Variants in CFAP299 observed in about 807,000 individuals in gnomAD.
CFAP299 encodes the protein cilia- and flagella-associated protein 299.
CFAP299 carries 21 observed loss-of-function variants against 27.0 expected under a neutral mutation model. That is an observed-to-expected ratio of 0.78 (90% CI 0.55 to 1.12). The LOEUF (loss-of-function observed/expected upper bound fraction) is 1.12. Ranked by LOEUF, CFAP299 falls within the 50% of genes most tolerant of loss-of-function variation. The pLI is 0.00. For missense variants in CFAP299, 310 were observed against 276.6 expected (o/e 1.12, Z -0.86); for synonymous variants, 104 against 98.1 (o/e 1.06, Z -0.36).
intron 3 of CFAP299, among the ~76,000 whole-genome samples, chr4:80,864,283 T>C (rs1732556211): frequency 6.6e-6 from 1 of 151,502 alleles, no homozygotes; most frequent in Non-Finnish European, 1.5e-5. Flanking sequence ...TTTCAGTTAC[T>C]GAAATACATC....
At chr4:80,799,386 A>G (rs1420689361) in intron 3 of CFAP299, among the ~76,000 whole-genome samples, 1 of 94,766 alleles carries the variant, frequency 1.1e-5, no homozygotes, top group African/African-American at 4.4e-5. Context: ...AAATGTATTT[A>G]TATAATATTT....
chr4:80,839,537 C>G (rs535365875), intron 3 of CFAP299, among the ~76,000 whole-genome samples: 3 of 152,218 alleles, frequency 2.0e-5, no homozygotes, highest in Admixed American at 6.6e-5. Flanking sequence ...GCCATGTCAT[C>G]TCTGGCCATA....
chr4:80,879,387 G>A (rs894937565), intron 4 of CFAP299, among the ~76,000 whole-genome samples: 4 of 152,070 alleles, frequency 2.6e-5, no homozygotes, highest in South Asian at 4.2e-4. Flanking sequence ...AACAAAAATG[G>A]GACTAGATCT....
intron 2 of CFAP299, among the ~76,000 whole-genome samples, chr4:80,445,704 G>A (rs1377939228): frequency 6.6e-6 from 1 of 151,912 alleles, no homozygotes; most frequent in Non-Finnish European, 1.5e-5. Context: ...TCATCATTAA[G>A]CATAGTTTGC....
chr4:80,345,114 A>G (rs1281097385), intron 1 of CFAP299, among the ~76,000 whole-genome samples: 1 of 152,164 alleles, frequency 6.6e-6, no homozygotes, highest in African/African-American at 2.4e-5. Flanking sequence ...ACTCCTATTC[A>G]ACATAGTATT....
At chr4:80,796,507 G>A (rs1416127522) in intron 3 of CFAP299, among the ~76,000 whole-genome samples, 2 of 152,184 alleles carry the variant, frequency 1.3e-5, no homozygotes, top group African/African-American at 4.8e-5. Context: ...AGGTAGGATG[G>A]TAAATGTATA....
intron 3 of CFAP299, among the ~76,000 whole-genome samples, chr4:80,863,470 T>C (rs1347264154): frequency 1.3e-5 from 2 of 152,182 alleles, no homozygotes; most frequent in South Asian, 2.1e-4. Context: ...AACTAAGTAT[T>C]GCATAAGTCT....
intron 2 of CFAP299, among the ~76,000 whole-genome samples, chr4:80,570,262 A>G (rs1241992209): frequency 6.6e-6 from 1 of 152,062 alleles, no homozygotes; most frequent in Non-Finnish European, 1.5e-5. Flanking sequence ...AAAGTCTATA[A>G]CAATGAATAA....
rs190278296 is a variant in CFAP299 at position 80,865,122 on chromosome 4, A to G, written c.334-4871A>G. On this transcript the variant is annotated intron_variant, in intron 3 of 5. Transcript: ENST00000358105. ...AACTCTCAATGCTTTCATCTCCCAC[A>G]TTTATAAAATGAGGGTAATAATGCT... is the stretch of plus-strand genomic sequence containing the variant. Among the ~76,000 whole-genome samples, 513 of 152,288 alleles carry G rather than the reference A, an allele frequency of 3.4e-3. 15 individuals carry two copies. Among genetic ancestry groups the G allele is most frequent in the Non-Finnish European group, 4.3e-4 (29 of 68,012 alleles).
intron 3 of CFAP299, among the ~76,000 whole-genome samples, chr4:80,854,421 A>C (rs902556191): frequency 6.6e-6 from 1 of 152,064 alleles, no homozygotes; most frequent in African/African-American, 2.4e-5. Context: ...CAGAATGTTT[A>C]AATGTTAATA....
chr4:80,895,883 T>A (rs13435389), intron 4 of CFAP299, among the ~76,000 whole-genome samples: 1 of 152,008 alleles, frequency 6.6e-6, no homozygotes, highest in East Asian at 1.9e-4. Flanking sequence ...CAAAACTCAC[T>A]CGGATGAATG....
chr4:80,762,561 C>T (rs76248689), intron 3 of CFAP299, among the ~76,000 whole-genome samples: 1 of 152,196 alleles, frequency 6.6e-6, no homozygotes, highest in Non-Finnish European at 1.5e-5. Context: ...CTTTAATTCT[C>T]ATCTGGGAAC....
At chr4:80,391,484 T>A (rs1472878774) in intron 2 of CFAP299, among the ~76,000 whole-genome samples, 2 of 152,200 alleles carry the variant, frequency 1.3e-5, no homozygotes, top group Non-Finnish European at 2.9e-5. Flanking sequence ...TTGAGCACTT[T>A]TTCATAACAG....
chr4:80,596,710 A>G (rs986933202), intron 3 of CFAP299, among the ~76,000 whole-genome samples: 3 of 152,198 alleles, frequency 2.0e-5, no homozygotes, highest in African/African-American at 7.2e-5. Flanking sequence ...GAAAAAGAAC[A>G]TTACTGATAC....
chr4:80,644,988 A>G (rs184035264), intron 3 of CFAP299, among the ~76,000 whole-genome samples: 5 of 152,226 alleles, frequency 3.3e-5, no homozygotes, highest in African/African-American at 9.6e-5. Flanking sequence ...CCTAGCTTCT[A>G]TGATGCACCA....
chr4:80,891,027 G>A (rs1287148769), intron 4 of CFAP299, among the ~76,000 whole-genome samples: 7 of 151,954 alleles, frequency 4.6e-5, no homozygotes, highest in South Asian at 2.1e-4. Context: ...TCACTCTGAC[G>A]GTAGTTTCTT....
intron 2 of CFAP299, among the ~76,000 whole-genome samples, chr4:80,498,143 A>G (rs1560595392): frequency 6.6e-6 from 1 of 152,182 alleles, no homozygotes. Flanking sequence ...ATAAAAAAAC[A>G]CTGGAAAGAA....
chr4:80,863,572 C>A (rs867164967), intron 3 of CFAP299, among the ~76,000 whole-genome samples: 2 of 152,102 alleles, frequency 1.3e-5, no homozygotes, highest in Middle Eastern at 3.2e-3. Flanking sequence ...TTCCCCACTT[C>A]AATATCAGAA....
At chr4:80,688,262 AGT>A (rs1720369391) in intron 3 of CFAP299, among the ~76,000 whole-genome samples, 1 of 152,212 alleles carries the variant, frequency 6.6e-6, no homozygotes, top group South Asian at 2.1e-4. Flanking sequence ...AAAAGACAGC[AGT>A]AACCTCTGCA....
Sources: allele counts gnomAD v4.1 joint callset (sites outside exome capture counted in the v4.1 genomes callset), GRCh38; gene constraint gnomAD v4.1.1; transcripts MANE v1.5; gene names NCBI Gene and HGNC (gene_info 2026-07-23, HGNC 2026-07-21).